The following CCDC9 variants were observed in gnomAD, a reference collection of about 807,000 sequenced individuals.
CCDC9 encodes the protein coiled-coil domain containing 9.
A neutral mutation model predicts 65.6 loss-of-function variants in CCDC9; 52 were observed. The observed-to-expected ratio is 0.79, with a 90% CI of 0.63 to 1.00. The LOEUF is 1.00. Ranked by LOEUF, CCDC9 falls within the 50% of genes least tolerant of loss-of-function variation. The pLI, the probability that CCDC9 is intolerant of heterozygous loss-of-function variation, is 0.00. For synonymous variants in CCDC9, 332 were observed against 280.3 expected (o/e 1.18, Z -1.84); for missense variants, 834 against 757.2 (o/e 1.10, Z -1.19).
At position 47,270,406 on chromosome 19, in the gene CCDC9, G is replaced by C; in HGVS notation, c.903-1G>C. 1 of 1,614,064 alleles carries C rather than the reference G, an allele frequency of 6.2e-7. No individual in the cohort carries two copies. Among genetic ancestry groups the C allele is most frequent in the Non-Finnish European group, 8.5e-7 (1 of 1,179,996 alleles). The stretch of plus-strand genomic sequence containing the variant: ...CCGCTCACCCGTTATCTTTCCCCCA[G>C]GTTCAAGGATGGCCCAGTCCCTGCC... On this transcript the variant is annotated splice_acceptor_variant, in intron 8 of 11. Coordinates refer to ENST00000221922, the MANE Select transcript of CCDC9 (RefSeq NM_015603.3). LOFTEE classifies it high-confidence loss of function.
At chr19:47,275,676 A>G (rs958304955), downstream of CCDC9, 11 of 391,218 alleles carry the variant, frequency 2.8e-5, no homozygotes, top group Non-Finnish European at 4.8e-5. Context: ...CATCTGCAAT[A>G]AACGACAGCC....
chr19:47,258,554 C>G lies in CCDC9; in HGVS notation c.4-5C>G. 1 of 1,612,832 alleles carries G rather than the reference C, an allele frequency of 6.2e-7. No individual in the cohort carries two copies. Among genetic ancestry groups the G allele is most frequent in the Non-Finnish European group, 8.5e-7 (1 of 1,178,890 alleles). On this transcript the variant is annotated splice_polypyrimidine_tract_variant and splice_region_variant and intron_variant, in intron 2 of 11. Coordinates refer to ENST00000221922, the MANE Select transcript of CCDC9 (RefSeq NM_015603.3). ...TTCCATCCCTCAACTGCCTCCCGGT[C>G]TCAGGCAGCCACACTCGATTTGAAA...
chr19:47,274,282 C>T (rs1002379898), downstream of CCDC9, among the ~76,000 whole-genome samples: 1 of 150,186 alleles, frequency 6.7e-6, no homozygotes. Context: ...CTGGGCGGGG[C>T]CGGAATCCTG....
Position 47,271,699 on chromosome 19 carries a change from GTGT to G in CCDC9, c.*22_*24del. The G allele has an allele frequency of 8.0e-7, 1 of 1,248,320 alleles. No homozygotes were observed. The highest frequency in any genetic ancestry group is 2.7e-5 in the Admixed American group (1 of 36,400). 77.3% of individuals were successfully genotyped at this position (1,248,320 alleles called of 1,614,324 possible). On this transcript the variant is annotated 3_prime_UTR_variant, in exon 12 of 12. Transcript: ENST00000221922. Reference sequence around the variant, plus strand: ...TATGAAGCTGGCTGCCTGTGTGTGTGTGTGTGTGTGTGTGTGTGTGTGTGTGTG... The same window carrying G: ...TATGAAGCTGGCTGCCTGTGTGTGTGGTGTGTGTGTGTGTGTGTGTGTGTG...
At chr19:47,264,156 C>T (rs2059064297) in intron 5 of CCDC9, among the ~76,000 whole-genome samples, 1 of 152,208 alleles carries the variant, frequency 6.6e-6, no homozygotes, top group Non-Finnish European at 1.5e-5. Flanking sequence ...GCTGGGATTA[C>T]AGGCGTGAGC....
At chr19:47,264,505 G>A (rs1568638009) in intron 5 of CCDC9, 98 bp from the exon 6 acceptor site, 12 of 1,159,848 alleles carry the variant, frequency 1.0e-5, no homozygotes, top group Admixed American at 6.0e-5. Context: ...AGGCCAGTCC[G>A]AGGAGAGGAG....
At chr19:47,273,651 ACTGGGACGG>A (rs2059138272), downstream of CCDC9, 1 of 392,420 alleles carries the variant, frequency 2.5e-6, no homozygotes, top group African/African-American at 2.1e-5. Flanking sequence ...ACGTCACGGC[ACTGGGACGG>A]CTGGGACGCT....
intron 2 of CCDC9, 77 bp downstream of exon 2, chr19:47,258,480 G>T: frequency 6.2e-7 from 1 of 1,605,592 alleles, no homozygotes. Flanking sequence ...CATAGGGGCA[G>T]ACTCTCAGAC....
intron 7 of CCDC9, among the ~76,000 whole-genome samples, chr19:47,265,265 G>A (rs1421618617): frequency 2.0e-5 from 3 of 152,138 alleles, no homozygotes; most frequent in Non-Finnish European, 4.4e-5. Context: ...ATGTTGGCCA[G>A]GCTAGTCTTG....
chr19:47,271,471 T>C lies in CCDC9; in HGVS notation c.1389T>C (p.Ser463=). 2 of 1,612,706 alleles carry C rather than the reference T, an allele frequency of 1.2e-6. No individual in the cohort carries two copies. The highest frequency in any genetic ancestry group is 1.7e-6 in the Non-Finnish European group (2 of 1,179,590). ...CTGCCCCCACCGGGATCCCCTGCAG[T>C]GAGCAGGCCCACGGAGTCCCCTTCA... ...PEAAPTGIPC[S]EQAHGVPFSP... is the part of the protein sequence containing the mutation. Residue 463 remains serine (S), a synonymous_variant, in exon 12 of 12, where the codon AGT becomes AGC. Coordinates refer to ENST00000221922, the MANE Select transcript of CCDC9 (RefSeq NM_015603.3).
chr19:47,265,655 G>A (rs1402000275), intron 7 of CCDC9, among the ~76,000 whole-genome samples: 4 of 151,448 alleles, frequency 2.6e-5, no homozygotes, highest in African/African-American at 9.7e-5. Flanking sequence ...CACTTACTAT[G>A]TGCCAGGTAC....
Position 47,260,422 on chromosome 19 carries a change from G to A in CCDC9, c.210G>A (p.Ser70=), listed in dbSNP as rs372711525. Residue 70 remains serine, a splice_region_variant and synonymous_variant, in exon 4 of 12, where the codon TCG becomes TCA. Transcript: ENST00000221922. ...AGAAGGAGAACGTGGCAGTGGAGTCGGTGAGCTCGTCACTGGGGTGTGGGA... is the reference window on the plus strand; with the variant it reads ...AGAAGGAGAACGTGGCAGTGGAGTCAGTGAGCTCGTCACTGGGGTGTGGGA... ...SVEKENVAVE[S]EKNLGPSRRS... 94 of 1,608,294 alleles carry A rather than the reference G, an allele frequency of 5.8e-5. No individual in the cohort carries two copies. The highest frequency in any genetic ancestry group is 7.6e-5 in the Non-Finnish European group (89 of 1,177,438).
At chr19:47,262,829 T>C (rs1267299986) in intron 5 of CCDC9, among the ~76,000 whole-genome samples, 1 of 152,100 alleles carries the variant, frequency 6.6e-6, no homozygotes, top group Non-Finnish European at 1.5e-5. Flanking sequence ...TATGGGCTTG[T>C]GGTCCTAGCT....
chr19:47,275,523 C>G, downstream of CCDC9: 2 of 848,816 alleles, frequency 2.4e-6, no homozygotes, highest in East Asian at 6.4e-5. Flanking sequence ...GGCCTTGCCT[C>G]TTGCAGCTAC....
intron 8 of CCDC9, among the ~76,000 whole-genome samples, chr19:47,269,776 G>A (rs868766441): frequency 6.6e-6 from 1 of 152,210 alleles, no homozygotes; most frequent in Non-Finnish European, 1.5e-5. Flanking sequence ...GCTAGGTGTG[G>A]TGGAAGAGCC....
At position 47,266,644 on chromosome 19, in the gene CCDC9, A is replaced by G. The variant is rs1181244832; in HGVS notation, c.754A>G (p.Met252Val). 6 of 1,585,390 alleles carry G rather than the reference A, an allele frequency of 3.8e-6. No homozygotes were observed. Among genetic ancestry groups the G allele is most frequent in the Non-Finnish European group, 4.3e-6 (5 of 1,165,712 alleles). Residue 252 changes from methionine to valine, a missense_variant, in exon 8 of 12, where the codon ATG becomes GTG. Coordinates refer to ENST00000221922, the MANE Select transcript of CCDC9 (RefSeq NM_015603.3). The stretch of plus-strand genomic sequence containing the variant: ...AGCTGGCCTGGGCAGTGCTGGAGAC[A>G]TGACGTTGTCCATGACGGGCCGGGA... ...RRAGLGSAGD[M>V]TLSMTGRERS...
At chr19:47,264,542 C>G in intron 5 of CCDC9, 61 bp from the exon 6 acceptor site, 1 of 1,492,944 alleles carries the variant, frequency 6.7e-7, no homozygotes, top group Non-Finnish European at 9.1e-7. Context: ...CAGCCCGTCT[C>G]CTGCACCGGC....
intron 5 of CCDC9, among the ~76,000 whole-genome samples, chr19:47,264,024 GCC>G: frequency 6.6e-6 from 1 of 151,922 alleles, no homozygotes; most frequent in East Asian, 1.9e-4. Flanking sequence ...GATTACAGGC[GCC>G]CACCACCATG....
chr19:47,275,533 C>T (rs915667604), downstream of CCDC9: 4 of 796,112 alleles, frequency 5.0e-6, no homozygotes, highest in African/African-American at 1.9e-5. Context: ...CTTGCAGCTA[C>T]TCTGTGGTCA....
Sources: allele counts gnomAD v4.1 joint callset (sites outside exome capture counted in the v4.1 genomes callset), GRCh38; gene constraint gnomAD v4.1.1; transcripts MANE v1.5; gene names NCBI Gene and HGNC (gene_info 2026-07-23, HGNC 2026-07-21).